Variants in XRCC4 observed in about 807,000 individuals in gnomAD.
The protein encoded by XRCC4 is DNA repair protein XRCC4.
Under a neutral mutation model 39.1 loss-of-function variants are expected in XRCC4, and 28 were observed. The ratio of observed to expected loss-of-function variants is 0.72; its 90% CI spans 0.53 to 0.98. The LOEUF is 0.98. XRCC4 is among the 50% of genes least tolerant of loss of function. The pLI, the probability that XRCC4 is intolerant of heterozygous loss-of-function variation, is 0.00. For missense variants in XRCC4, 350 were observed against 376.4 expected, an observed-to-expected ratio of 0.93 and a Z score of 0.58; for synonymous variants, 123 against 126.4, an observed-to-expected ratio of 0.97 and a Z score of 0.18.
At chr5:83,365,322 A>G in the XRCC4 span, among the ~76,000 whole-genome samples, 2 of 152,178 alleles carry the variant, frequency 1.3e-5, no homozygotes, top group Non-Finnish European at 2.9e-5. Context: ...TGTGTCCTAG[A>G]ATCTGGGAAT....
chr5:83,277,812 GTGA>G (rs1275903957), intron 7 of XRCC4, among the ~76,000 whole-genome samples: 2 of 152,094 alleles, frequency 1.3e-5, no homozygotes, highest in Admixed American at 1.3e-4. Context: ...CTGTACCAAT[GTGA>G]TTGTCTAGTA....
intron 3 of XRCC4, among the ~76,000 whole-genome samples, chr5:83,116,193 TTGA>T (rs1746701854): frequency 6.6e-6 from 1 of 152,232 alleles, no homozygotes. Context: ...AATCCTTTTC[TTGA>T]TGATACAAAC....
chr5:83,346,427 G>A (rs892949331), intron 7 of XRCC4, among the ~76,000 whole-genome samples: 5 of 152,106 alleles, frequency 3.3e-5, no homozygotes, highest in South Asian at 2.1e-4. Flanking sequence ...AAAACTATCC[G>A]AACATATACC....
intron 6 of XRCC4, among the ~76,000 whole-genome samples, chr5:83,253,571 G>A (rs1365827257): frequency 2.0e-5 from 3 of 151,976 alleles, no homozygotes; most frequent in African/African-American, 4.8e-5. Flanking sequence ...GCAAGGGGAA[G>A]AGAGGTGGCA....
intron 7 of XRCC4, among the ~76,000 whole-genome samples, chr5:83,347,090 A>G (rs989503629): frequency 3.3e-5 from 5 of 152,210 alleles, no homozygotes; most frequent in East Asian, 3.8e-4. Flanking sequence ...CCAAACCTCT[A>G]TCAGTGAACT....
chr5:83,203,473 C>A, intron 4 of XRCC4, 79 bp from the exon 5 acceptor site: 4 of 1,229,394 alleles, frequency 3.3e-6, no homozygotes, highest in South Asian at 1.9e-5. Context: ...TCCTTGAAAT[C>A]TTCTTGATTA....
chr5:83,156,043 C>T lies in XRCC4; in HGVS notation c.316-39727C>T, dbSNP rs114795136. Among the ~76,000 whole-genome samples the T allele has an allele frequency of 8.6e-3, 1,315 of 152,116 alleles. 15 individuals are homozygous for T. The highest frequency in any genetic ancestry group is 0.026 in the African/African-American group (1,086 of 41,528). On this transcript the variant is annotated intron_variant, in intron 3 of 7. Transcript: ENST00000396027. ...ATCCCCTTTTTAATTTAAATCTTTACATTCAAAGAGTTTTCTTTGCTGTAT... is the reference window on the plus strand; with the variant it reads ...ATCCCCTTTTTAATTTAAATCTTTATATTCAAAGAGTTTTCTTTGCTGTAT...
intron 1 of XRCC4, among the ~76,000 whole-genome samples, chr5:83,100,920 A>T (rs1745902382): frequency 6.6e-6 from 1 of 152,166 alleles, no homozygotes. Flanking sequence ...ACAAATGGAT[A>T]AAGCATTTCA....
At chr5:83,124,737 G>A (rs1471026133) in intron 3 of XRCC4, among the ~76,000 whole-genome samples, 1 of 152,144 alleles carries the variant, frequency 6.6e-6, no homozygotes, top group Non-Finnish European at 1.5e-5. Flanking sequence ...GTGTACTTTT[G>A]TGCTACAATG....
chr5:83,228,245 T>C (rs1466488673), intron 6 of XRCC4, among the ~76,000 whole-genome samples: 3 of 152,020 alleles, frequency 2.0e-5, no homozygotes, highest in Non-Finnish European at 4.4e-5. Context: ...TACAATAAAG[T>C]AAATTCATTT....
intron 3 of XRCC4, among the ~76,000 whole-genome samples, chr5:83,165,664 T>G (rs1308657628): frequency 3.9e-5 from 6 of 152,060 alleles, no homozygotes; most frequent in Non-Finnish European, 8.8e-5. Context: ...GGCCCCAGTG[T>G]GTGTTGTTCC....
intron 3 of XRCC4, among the ~76,000 whole-genome samples, chr5:83,183,997 A>C (rs528285180): frequency 2.0e-5 from 3 of 152,084 alleles, no homozygotes; most frequent in Non-Finnish European, 4.4e-5. Flanking sequence ...CAAGTTTTTC[A>C]GGGGAATATT....
intron 3 of XRCC4, among the ~76,000 whole-genome samples, chr5:83,188,996 T>C (rs1750576633): frequency 6.6e-6 from 1 of 152,242 alleles, no homozygotes; most frequent in African/African-American, 2.4e-5. Flanking sequence ...ATACCAAAAA[T>C]AAAGTAGCAG....
chr5:83,186,940 C>CTTTTTTTT (rs1750468282), intron 3 of XRCC4, among the ~76,000 whole-genome samples: 3 of 96,826 alleles, frequency 3.1e-5, no homozygotes, highest in African/African-American at 1.6e-4. Context: ...CTGCTTCTTC[C>CTTTTTTTT]ATTTTTTTTT....
Position 83,214,850 on chromosome 5 carries a change from AAT to A in XRCC4, c.745+9931_745+9932del, listed in dbSNP as rs201890201. On this transcript the variant is annotated intron_variant, in intron 6 of 7. Coordinates refer to ENST00000396027, the MANE Select transcript of XRCC4 (RefSeq NM_003401.5). ...AGACTCCTTCTCAAAAAAAAAAAAT[AAT>A]AATAATAAAAATACAGAATAAAGAA... is the stretch of plus-strand genomic sequence containing the variant. Among the ~76,000 whole-genome samples, 13 of 37,422 alleles carry A rather than the reference AAT, an allele frequency of 3.5e-4. 1 individual carries two copies. The highest frequency in any genetic ancestry group is 0.015 in the East Asian group (2 of 130). The allele number at this position is 37,422 out of a possible 152,430, so 24.6% of individuals were successfully genotyped here. A position where few individuals can be genotyped will look rare whatever the true frequency, so the allele number is the denominator to read the frequency against.
At chr5:83,082,727 G>T (rs1464270128) in intron 1 of XRCC4, among the ~76,000 whole-genome samples, 3 of 143,968 alleles carry the variant, frequency 2.1e-5, no homozygotes, top group Admixed American at 1.3e-4. Flanking sequence ...AACATTATGA[G>T]ATTTTTTTTT....
At chr5:83,108,434 G>A (rs554622243) in intron 2 of XRCC4, among the ~76,000 whole-genome samples, 7 of 151,410 alleles carry the variant, frequency 4.6e-5, no homozygotes, top group Non-Finnish European at 7.4e-5. Flanking sequence ...TAAATATTCC[G>A]TAATAATCAG....
At chr5:83,128,750 T>C (rs1432931864) in intron 3 of XRCC4, among the ~76,000 whole-genome samples, 2 of 152,174 alleles carry the variant, frequency 1.3e-5, no homozygotes, top group Non-Finnish European at 2.9e-5. Flanking sequence ...TTTCATGTGT[T>C]TTTGGGCTGC....
intron 2 of XRCC4, among the ~76,000 whole-genome samples, chr5:83,109,041 T>C (rs1746329264): frequency 6.8e-6 from 1 of 147,484 alleles, no homozygotes; most frequent in Admixed American, 6.6e-5. Flanking sequence ...ATGAGAATCA[T>C]ATTTTATTAT....
Sources: allele counts gnomAD v4.1 joint callset (sites outside exome capture counted in the v4.1 genomes callset), GRCh38; gene constraint gnomAD v4.1.1; transcripts MANE v1.5; gene names NCBI Gene and HGNC (gene_info 2026-07-23, HGNC 2026-07-21).